Variants in SLC30A7 observed in about 807,000 individuals in gnomAD.
SLC30A7 encodes zinc transporter 7.
A neutral mutation model predicts 46.0 loss-of-function variants in SLC30A7; 35 were observed. The ratio of observed to expected loss-of-function variants is 0.76; its 90% CI spans 0.58 to 1.01. The LOEUF is 1.01. Ranked by LOEUF, SLC30A7 falls within the 50% of genes least tolerant of loss-of-function variation. The pLI is 0.00. For synonymous variants in SLC30A7, 147 were observed against 157.8 expected, an observed-to-expected ratio of 0.93 and a Z score of 0.51; for missense variants, 464 against 451.1, an observed-to-expected ratio of 1.03 and a Z score of -0.26.
chr1:100,992,944 C>T, the SLC30A7 span, among the ~76,000 whole-genome samples: 1 of 152,130 alleles, frequency 6.6e-6, no homozygotes, highest in African/African-American at 2.4e-5. Context: ...ATTTAACTTT[C>T]CTCTGATCTC....
chr1:100,900,966 C>G (rs1651269605), intron 2 of SLC30A7, among the ~76,000 whole-genome samples: 1 of 152,210 alleles, frequency 6.6e-6, no homozygotes, highest in African/African-American at 2.4e-5. Context: ...GTACCCATCA[C>G]TGAGCCTTAA....
At chr1:100,920,559 T>A (rs1652872637) in intron 7 of SLC30A7, among the ~76,000 whole-genome samples, 1 of 151,978 alleles carries the variant, frequency 6.6e-6, no homozygotes, top group East Asian at 1.9e-4. Context: ...TGAGGGATGA[T>A]TTATATTTAA....
chr1:100,979,849 G>C lies in SLC30A7; in HGVS notation c.*4992G>C, dbSNP rs1656819114. 6.6e-6 allele frequency: 1 copy of C among 152,090 alleles called. No homozygotes were observed. The highest frequency in any genetic ancestry group is 1.5e-5 in the Non-Finnish European group (1 of 67,980). The allele number at this position is 152,090 out of a possible 1,614,324, so 9.4% of individuals were successfully genotyped here. A position where few individuals can be genotyped will look rare whatever the true frequency, so the allele number is the denominator to read the frequency against. On this transcript the variant is annotated 3_prime_UTR_variant, in exon 11 of 11. Coordinates refer to ENST00000357650, the MANE Select transcript of SLC30A7 (RefSeq NM_133496.5). ...TTAATCAGGTGCTGACATCTGCTCT[G>C]CTTTGTGTATGTAATTCAGCAGTGC... is the stretch of plus-strand genomic sequence containing the variant.
At chr1:100,916,704 C>CTTTTTTTT (rs33980397) in intron 6 of SLC30A7, among the ~76,000 whole-genome samples, 17 of 92,324 alleles carry the variant, frequency 1.8e-4, no homozygotes, top group East Asian at 3.4e-4. Context: ...TTCATTCATT[C>CTTTTTTTT]TTTTTTTTTT....
At chr1:100,937,231 A>G (rs913993404) in intron 8 of SLC30A7, among the ~76,000 whole-genome samples, 2 of 152,214 alleles carry the variant, frequency 1.3e-5, no homozygotes, top group African/African-American at 4.8e-5. Context: ...ATTTGTGTCA[A>G]TAATTCAAAA....
intron 5 of SLC30A7, among the ~76,000 whole-genome samples, chr1:100,913,140 C>G (rs188839098): frequency 2.6e-5 from 4 of 152,162 alleles, no homozygotes; most frequent in Admixed American, 2.6e-4. Context: ...TTGCATTTAG[C>G]TTTTTCTACC....
intron 8 of SLC30A7, among the ~76,000 whole-genome samples, chr1:100,949,065 G>C (rs1654809633): frequency 6.6e-6 from 1 of 152,184 alleles, no homozygotes; most frequent in Non-Finnish European, 1.5e-5. Flanking sequence ...TTGTTCTGTT[G>C]CTGGTGAGGA....
chr1:100,923,640 T>C (rs1023348969), intron 8 of SLC30A7, among the ~76,000 whole-genome samples: 6 of 152,086 alleles, frequency 3.9e-5, no homozygotes, highest in African/African-American at 1.4e-4. Flanking sequence ...TAGCTGGGCA[T>C]GGTGGTTGTG....
At chr1:100,940,789 A>C (rs766149163) in intron 8 of SLC30A7, among the ~76,000 whole-genome samples, 17 of 152,268 alleles carry the variant, frequency 1.1e-4, no homozygotes, top group Non-Finnish European at 2.2e-4. Flanking sequence ...TTTCCACAGA[A>C]CATAAACTAA....
At chr1:100,946,999 C>T (rs1654678844) in intron 8 of SLC30A7, among the ~76,000 whole-genome samples, 1 of 152,136 alleles carries the variant, frequency 6.6e-6, no homozygotes, top group Non-Finnish European at 1.5e-5. Context: ...TCAACTTCTT[C>T]CTCGTTTAGT....
In SLC30A7 at chr1:100,980,158, T is replaced by A. The variant is rs548940112; in HGVS notation, c.*5301T>A. 1.3e-5 allele frequency: 2 copies of A among 152,258 alleles called. No homozygotes were observed. Among genetic ancestry groups the A allele is most frequent in the South Asian group, 4.1e-4 (2 of 4,832 alleles). The allele number at this position is 152,258 out of a possible 1,614,324, so 9.4% of individuals were successfully genotyped here. A position where few individuals can be genotyped will look rare whatever the true frequency, so the allele number is the denominator to read the frequency against. On this transcript the variant is annotated 3_prime_UTR_variant, in exon 11 of 11. Transcript: ENST00000357650. ...CTGCTTAAGGGACTGAATGAAAAGA[T>A]AGTACCCTTTGTGGCTGTATGAAGA... is the stretch of plus-strand genomic sequence containing the variant.
chr1:100,963,530 A>C (rs974188883), intron 9 of SLC30A7, among the ~76,000 whole-genome samples: 19 of 152,270 alleles, frequency 1.2e-4, no homozygotes, highest in Admixed American at 7.8e-4. Flanking sequence ...AACTCCTTTA[A>C]GAAGTGTTGT....
At chr1:100,964,282 CAT>C (rs67121359) in intron 9 of SLC30A7, among the ~76,000 whole-genome samples, 2,828 of 101,694 alleles carry the variant, frequency 0.028, 51 homozygotes, top group Middle Eastern at 0.051. Context: ...TAACCTATAA[CAT>C]ATATGTTATA....
At chr1:100,931,825 G>T (rs1340856207) in intron 8 of SLC30A7, among the ~76,000 whole-genome samples, 3 of 152,030 alleles carry the variant, frequency 2.0e-5, no homozygotes, top group Non-Finnish European at 4.4e-5. Flanking sequence ...AATGTATTTG[G>T]TTTCTTTTAA....
At position 100,913,681 on chromosome 1, in the gene SLC30A7, C is replaced by A. The variant is rs1000725852; in HGVS notation, c.530C>A (p.Ser177Tyr). 3.1e-6 allele frequency: 5 copies of A among 1,613,698 alleles called. No individual in the cohort carries two copies. The highest frequency in any genetic ancestry group is 4.2e-6 in the Non-Finnish European group (5 of 1,179,788). Reference sequence around the variant, plus strand: ...TTTCTAGGCCACGGACACAGTCATTCCCTCTTTAATGGTGCTCTAGATCAG... The same window carrying A: ...TTTCTAGGCCACGGACACAGTCATTACCTCTTTAATGGTGCTCTAGATCAG... ...SHGSGHGHSH[S>Y]LFNGALDQAH... Residue 177 changes from serine to tyrosine, a missense_variant, in exon 6 of 11, where the codon TCC (serine) becomes TAC (tyrosine). Transcript: ENST00000357650.
intron 8 of SLC30A7, among the ~76,000 whole-genome samples, chr1:100,955,611 C>T (rs975385092): frequency 8.6e-5 from 13 of 152,038 alleles, no homozygotes; most frequent in Admixed American, 5.2e-4. Context: ...TTAGCTCAGT[C>T]AGGAATTTGC....
At position 100,913,821 on chromosome 1, in the gene SLC30A7, G is replaced by A. The variant is rs367869113; in HGVS notation, c.655+15G>A. 30 of 1,595,768 alleles carry A rather than the reference G, an allele frequency of 1.9e-5. No homozygotes were observed. The highest frequency in any genetic ancestry group is 2.5e-5 in the Non-Finnish European group (29 of 1,168,984). ...TCATTCTCATGGTGAGTACAGCCTA[G>A]AGACAAATGGACAGCCTCCAAATAA... On this transcript the variant is annotated intron_variant, in intron 6 of 10. Transcript: ENST00000357650.
intron 3 of SLC30A7, 126 bp downstream of exon 3, chr1:100,907,091 C>G (rs898987560): frequency 6.6e-6 from 4 of 605,342 alleles, no homozygotes; most frequent in Non-Finnish European, 1.1e-5. Flanking sequence ...TTGAAGCCCC[C>G]ACTCAGGCCT....
intron 10 of SLC30A7, among the ~76,000 whole-genome samples, chr1:100,970,093 A>G (rs550321164): frequency 4.1e-4 from 63 of 152,280 alleles, no homozygotes; most frequent in African/African-American, 1.4e-3. Flanking sequence ...GATCACATAG[A>G]TGCTTCAGGT....
Sources: allele counts gnomAD v4.1 joint callset (sites outside exome capture counted in the v4.1 genomes callset), GRCh38; gene constraint gnomAD v4.1.1; transcripts MANE v1.5; gene names NCBI Gene and HGNC (gene_info 2026-07-23, HGNC 2026-07-21).